PROSER2: variants seen among roughly 807,000 people sequenced by gnomAD.
The protein encoded by PROSER2 is proline and serine rich 2, also known as proline and serine-rich protein 2.
In PROSER2, 18 loss-of-function variants were observed where a neutral mutation model predicts 14.6. That is an observed-to-expected ratio of 1.23 (90% CI 0.85 to 1.83). PROSER2 has a LOEUF of 1.83. PROSER2 is among the 40% of genes most tolerant of loss of function. The pLI, the probability that PROSER2 is intolerant of heterozygous loss-of-function variation, is 0.00. For synonymous variants in PROSER2, 367 were observed against 286.4 expected, an observed-to-expected ratio of 1.28 and a Z score of -2.84; for missense variants, 823 against 629.8, an observed-to-expected ratio of 1.31 and a Z score of -3.28.
chr10:11,826,614 G>A (rs1404427738), intron 1 of PROSER2, among the ~76,000 whole-genome samples: 1 of 152,130 alleles, frequency 6.6e-6, no homozygotes, highest in Non-Finnish European at 1.5e-5. Context: ...GTCTCTCTCT[G>A]TCAGCCAGGC....
Position 11,830,752 on chromosome 10 carries a change from G to C in PROSER2, c.-82+7282G>C, listed in dbSNP as rs1033453331. Among the ~76,000 whole-genome samples, 1 of 152,198 alleles carries C rather than the reference G, an allele frequency of 6.6e-6. No individual in the cohort carries two copies. The highest frequency in any genetic ancestry group is 2.4e-5 in the African/African-American group (1 of 41,442). Reference sequence around the variant, plus strand: ...CCAGTTTTTTCAACAAACATTTGGTGGTCCCCATTGCTTAAAAATGTGCTA... The same window carrying C: ...CCAGTTTTTTCAACAAACATTTGGTCGTCCCCATTGCTTAAAAATGTGCTA... On this transcript the variant is annotated intron_variant, in intron 1 of 3. Transcript: ENST00000277570. This position sits in a 1 kb window ranked among gnomAD's most constrained non-coding sequence, Gnocchi z 4.5.
At chr10:11,840,071 G>T (rs1423987267) in intron 1 of PROSER2, among the ~76,000 whole-genome samples, 3 of 151,266 alleles carry the variant, frequency 2.0e-5, no homozygotes, top group African/African-American at 7.3e-5. Context: ...TCCTGCCTCA[G>T]CCTCCCAAGT....
At position 11,830,486 on chromosome 10, in the gene PROSER2, GA is replaced by G. The variant is rs1462067763; in HGVS notation, c.-82+7017del. ...TTACTGTGAACAGCGCCGCGGTAAA[GA>G]TGCAAGTGCAGGTGTCTTTTGATGT... On this transcript the variant is annotated intron_variant, in intron 1 of 3. Transcript: ENST00000277570. The surrounding 1 kb of genome is among the most constrained non-coding windows in gnomAD (Gnocchi z 4.5). Among the ~76,000 whole-genome samples, 1 of 152,212 alleles carries G rather than the reference GA, an allele frequency of 6.6e-6. No individual in the cohort carries two copies. Among genetic ancestry groups the G allele is most frequent in the Admixed American group, 6.5e-5 (1 of 15,282 alleles).
chr10:11,871,804 T>A lies in PROSER2; in HGVS notation c.*1398T>A, dbSNP rs1429575907. 6.6e-6 allele frequency: 1 copy of A among 152,242 alleles called. No homozygotes were observed. The highest frequency in any genetic ancestry group is 1.5e-5 in the Non-Finnish European group (1 of 68,042). The allele number at this position is 152,242 out of a possible 1,614,324, so 9.4% of individuals were successfully genotyped here. A position where few individuals can be genotyped will look rare whatever the true frequency, so the allele number is the denominator to read the frequency against. ...GAGCCTGTTTCTTTCCCGTTGAGTA[T>A]TACTTAAATTCAGGCTTAAATGTGC... On this transcript the variant is annotated 3_prime_UTR_variant, in exon 4 of 4. Transcript: ENST00000277570.
At chr10:11,860,966 C>T (rs578097570) in intron 2 of PROSER2, among the ~76,000 whole-genome samples, 10 of 152,200 alleles carry the variant, frequency 6.6e-5, no homozygotes, top group South Asian at 4.1e-4. Context: ...ATTAACCGGG[C>T]GTGGTGGCGT....
chr10:11,851,835 C>T, intron 1 of PROSER2, 162 bp from the exon 2 acceptor site: 1 of 354,744 alleles, frequency 2.8e-6, no homozygotes, highest in Non-Finnish European at 5.0e-6. Flanking sequence ...GGAGACATGG[C>T]AGTCAGCATC....
chr10:11,869,620 G>C lies in PROSER2; in HGVS notation c.522G>C (p.Glu174Asp). The C allele has an allele frequency of 6.2e-7, 1 of 1,602,340 alleles. No homozygotes were observed. Among genetic ancestry groups the C allele is most frequent in the Non-Finnish European group, 8.5e-7 (1 of 1,173,518 alleles). The part of the protein sequence containing the change: ...LPSTPDPPRR[E>D]LRAPSPPVEH... ...GCACCCCCGATCCCCCCAGGAGGGA[G>C]CTGCGCGCCCCCTCCCCGCCGGTGG... The change falls in exon 4 of 4, where the codon GAG becomes GAC. Residue 174 changes from glutamate to aspartate, a missense_variant. Physicochemically the swap from Glu to Asp is conservative, Grantham distance 45. Coordinates refer to ENST00000277570, the MANE Select transcript of PROSER2 (RefSeq NM_153256.4). This position sits in a 1 kb window ranked among gnomAD's most constrained non-coding sequence, Gnocchi z 4.4.
At position 11,870,096 on chromosome 10, in the gene PROSER2, G is replaced by A; in HGVS notation, c.998G>A (p.Gly333Asp). The change falls in exon 4 of 4, where the codon GGT (glycine) becomes GAT (aspartate). Residue 333 changes from glycine to aspartate, a missense_variant. Gly to Asp is a moderately conservative substitution (Grantham distance 94). Coordinates refer to ENST00000277570, the MANE Select transcript of PROSER2 (RefSeq NM_153256.4). ...CCCGCTGAGAGTCTCCGGGCAGGGG[G>A]TCAGGCTCCGCGGGGCCCGGCGCTG... ...PGPAESLRAG[G>D]QAPRGPALAN... 1 of 1,306,308 alleles carries A rather than the reference G, an allele frequency of 7.7e-7. No individual in the cohort carries two copies. Among genetic ancestry groups the A allele is most frequent in the Non-Finnish European group, 9.7e-7 (1 of 1,028,964 alleles). 80.9% of individuals were successfully genotyped at this position (1,306,308 alleles called of 1,614,324 possible).
In PROSER2 at chr10:11,870,033, C is replaced by G; in HGVS notation, c.935C>G (p.Ser312Cys). ...GAGGGGGCCCCAGGGGGCGGCTCCT[C>G]CCCGGAGCGGGTGGCGCGTGGCCGG... ...AGEGAPGGGS[S>C]PERVARGRGL... The change falls in exon 4 of 4, where the codon TCC becomes TGC. Residue 312 changes from serine (S) to cysteine (C), a missense_variant. Transcript: ENST00000277570. 1.6e-6 allele frequency: 2 copies of G among 1,239,188 alleles called. No individual in the cohort carries two copies. The highest frequency in any genetic ancestry group is 3.1e-5 in the South Asian group (1 of 31,818). The allele number at this position is 1,239,188 out of a possible 1,614,324, so 76.8% of individuals were successfully genotyped here. A position where few individuals can be genotyped will look rare whatever the true frequency, so the allele number is the denominator to read the frequency against.
chr10:11,825,211 G>C (rs1038569918), intron 1 of PROSER2, among the ~76,000 whole-genome samples: 1 of 151,600 alleles, frequency 6.6e-6, no homozygotes, highest in African/African-American at 2.4e-5. Context: ...GAGAGAGGAA[G>C]GGCCTGCGTA....
chr10:11,832,475 C>T (rs1417318451), intron 1 of PROSER2, among the ~76,000 whole-genome samples: 1 of 152,088 alleles, frequency 6.6e-6, no homozygotes, highest in Non-Finnish European at 1.5e-5. Flanking sequence ...GTAGAGCATA[C>T]ACATTCATAT....
intron 1 of PROSER2, among the ~76,000 whole-genome samples, chr10:11,841,434 T>G (rs1833844211): frequency 6.6e-6 from 1 of 152,162 alleles, no homozygotes; most frequent in Admixed American, 6.5e-5. Context: ...TTTAATTTCA[T>G]GTTCTTTTTC....
intron 2 of PROSER2, among the ~76,000 whole-genome samples, chr10:11,853,337 C>T (rs1234722812): frequency 2.6e-5 from 4 of 152,308 alleles, no homozygotes; most frequent in South Asian, 2.1e-4. Flanking sequence ...CCTGTAATCC[C>T]GGCACTTTGG....
intron 2 of PROSER2, among the ~76,000 whole-genome samples, chr10:11,863,493 G>A (rs1442029432): frequency 2.0e-5 from 3 of 151,450 alleles, no homozygotes; most frequent in South Asian, 4.2e-4. Flanking sequence ...AGTCAGGATC[G>A]CGCCACTGCA....
intron 1 of PROSER2, among the ~76,000 whole-genome samples, chr10:11,846,948 C>G (rs1833930446): frequency 1.3e-5 from 2 of 151,770 alleles, no homozygotes; most frequent in Non-Finnish European, 2.9e-5. Context: ...CGGGGGGCAT[C>G]TCTATGTTGC....
At chr10:11,859,059 T>TG (rs1834185092) in intron 2 of PROSER2, among the ~76,000 whole-genome samples, 2 of 149,832 alleles carry the variant, frequency 1.3e-5, no homozygotes, top group Admixed American at 6.7e-5. Context: ...AGCCTGTTCT[T>TG]TTAACATCTG....
chr10:11,859,480 G>A (rs1460949382), intron 2 of PROSER2, among the ~76,000 whole-genome samples: 1 of 152,258 alleles, frequency 6.6e-6, no homozygotes, highest in South Asian at 2.1e-4. Context: ...TCTGCTGTCC[G>A]CCTTCTTCTA....
Position 11,866,605 on chromosome 10 carries a change from C to T in PROSER2, c.213C>T (p.Ser71=), listed in dbSNP as rs753325774. ...VLLFFEETID[S]LDEDFEEPVL... The stretch of plus-strand genomic sequence containing the variant: ...TGTTTTTTGAAGAGACGATTGACTC[C>T]CTAGACGAGGACTTTGAGGAGCCAG... Residue 71 remains serine (S), a synonymous_variant, in exon 3 of 4, where the codon TCC becomes TCT. Coordinates refer to ENST00000277570, the MANE Select transcript of PROSER2 (RefSeq NM_153256.4). This position sits in a 1 kb window ranked among gnomAD's most constrained non-coding sequence, Gnocchi z 6.0. The T allele has an allele frequency of 7.4e-6, 12 of 1,614,078 alleles. No homozygotes were observed. In the South Asian group the frequency reaches 1.1e-4, roughly 15 times the overall value.
intron 1 of PROSER2, among the ~76,000 whole-genome samples, chr10:11,841,811 A>G (rs572756375): frequency 6.6e-6 from 1 of 152,306 alleles, no homozygotes; most frequent in East Asian, 1.9e-4. Context: ...TCTCCTACGT[A>G]TTCTGCATGA....
Sources: gnomAD v4.1 joint callset for allele counts (sites outside exome capture counted in the v4.1 genomes callset) on GRCh38, gnomAD v4.1.1 for gene constraint, Gnocchi (gnomAD v3.1) non-coding constraint, MANE v1.5 for transcripts, NCBI Gene and HGNC (gene_info 2026-07-23, HGNC 2026-07-21) for gene names.